The following PTPRD variants were observed in gnomAD, a reference collection of about 807,000 sequenced individuals.
PTPRD encodes protein tyrosine phosphatase receptor type D, also known as receptor-type tyrosine-protein phosphatase delta.
Under a neutral mutation model 214.5 loss-of-function variants are expected in PTPRD, and 34 were observed. That is an observed-to-expected ratio of 0.16 (90% CI 0.12 to 0.21). The LOEUF (loss-of-function observed/expected upper bound fraction) is 0.21, where lower values mean the gene tolerates loss of function less well. Ranked by LOEUF, PTPRD falls within the 10% of genes least tolerant of loss-of-function variation. The pLI is 1.00. For synonymous variants in PTPRD, 1,128 were observed against 845.7 expected (o/e 1.33, Z -5.79); for missense variants, 2,545 against 2,398.7 (o/e 1.06, Z -1.27).
At chr9:9,423,723 G>T (rs372633243) in intron 8 of PTPRD, among the ~76,000 whole-genome samples, 5 of 152,070 alleles carry the variant, frequency 3.3e-5, no homozygotes, top group Non-Finnish European at 7.4e-5. Flanking sequence ...GCAAAAAACT[G>T]CAGTAACTAT....
At chr9:10,296,910 T>C (rs894232323) in intron 3 of PTPRD, among the ~76,000 whole-genome samples, 3 of 151,912 alleles carry the variant, frequency 2.0e-5, no homozygotes, top group Non-Finnish European at 2.9e-5. Flanking sequence ...ACTAGATTTA[T>C]TGATTTTATT....
At chr9:9,689,002 A>G (rs1281802819) in intron 7 of PTPRD, among the ~76,000 whole-genome samples, 2 of 152,072 alleles carry the variant, frequency 1.3e-5, no homozygotes, top group East Asian at 3.9e-4. Flanking sequence ...TACAAAAACA[A>G]CAAAATTGCA....
intron 3 of PTPRD, among the ~76,000 whole-genome samples, chr9:10,042,356 A>G (rs569622721): frequency 3.6e-4 from 55 of 152,082 alleles, no homozygotes; most frequent in Non-Finnish European, 5.9e-5. Flanking sequence ...AATCTATTAA[A>G]TGCAATCTAT....
intron 11 of PTPRD, among the ~76,000 whole-genome samples, chr9:8,957,313 A>G (rs532163642): frequency 2.7e-4 from 41 of 151,840 alleles, no homozygotes; most frequent in Non-Finnish European, 4.6e-4. Context: ...GCCCTCTGTA[A>G]TCTGGCTTAG....
intron 3 of PTPRD, among the ~76,000 whole-genome samples, chr9:10,048,970 AG>A (rs1370189595): frequency 1.3e-5 from 2 of 152,110 alleles, no homozygotes; most frequent in African/African-American, 4.8e-5. Flanking sequence ...GTGATTAGGG[AG>A]GAGCCCTGAC....
At chr9:10,082,906 T>C (rs1410644764) in intron 3 of PTPRD, among the ~76,000 whole-genome samples, 3 of 151,728 alleles carry the variant, frequency 2.0e-5, no homozygotes, top group African/African-American at 7.3e-5. Context: ...AACTCCATTA[T>C]TTGTTTACAT....
chr9:10,546,087 C>T (rs886928909), intron 2 of PTPRD, among the ~76,000 whole-genome samples: 5 of 152,028 alleles, frequency 3.3e-5, no homozygotes, highest in African/African-American at 1.2e-4. Flanking sequence ...TTTATCCTAC[C>T]AGTAATTATA....
intron 8 of PTPRD, among the ~76,000 whole-genome samples, chr9:9,563,467 G>T (rs1186738866): frequency 2.6e-5 from 4 of 151,958 alleles, no homozygotes; most frequent in Non-Finnish European, 4.4e-5. Flanking sequence ...ATTTTATTCT[G>T]CATGGACAAG....
chr9:9,229,375 G>C (rs1291011434), intron 9 of PTPRD, among the ~76,000 whole-genome samples: 3 of 152,062 alleles, frequency 2.0e-5, no homozygotes, highest in Non-Finnish European at 4.4e-5. Context: ...AAGACCATGT[G>C]AGCTGTGGCC....
intron 2 of PTPRD, among the ~76,000 whole-genome samples, chr9:10,564,912 C>G (rs936855402): frequency 6.6e-5 from 10 of 152,018 alleles, no homozygotes; most frequent in Non-Finnish European, 8.8e-5. Flanking sequence ...ACCTGTCTAA[C>G]TTCATCTTCT....
chr9:9,396,352 A>T (rs2067816246), intron 9 of PTPRD, among the ~76,000 whole-genome samples: 1 of 152,090 alleles, frequency 6.6e-6, no homozygotes, highest in African/African-American at 2.4e-5. Context: ...AATGCATATT[A>T]TTGGGCCTTA....
intron 18 of PTPRD, among the ~76,000 whole-genome samples, chr9:8,523,794 T>A (rs1049234581): frequency 3.9e-5 from 6 of 152,122 alleles, no homozygotes; most frequent in Non-Finnish European, 8.8e-5. Flanking sequence ...GAGGTCACTA[T>A]TGTGGAAAAA....
At chr9:10,372,909 G>A (rs1283290394) in intron 2 of PTPRD, among the ~76,000 whole-genome samples, 1 of 150,606 alleles carries the variant, frequency 6.6e-6, no homozygotes, top group Non-Finnish European at 1.5e-5. Flanking sequence ...GAGTGCAGTG[G>A]TGCGATCTTG....
intron 2 of PTPRD, among the ~76,000 whole-genome samples, chr9:10,456,059 G>C (rs1346370560): frequency 1.3e-5 from 2 of 151,788 alleles, no homozygotes; most frequent in African/African-American, 2.4e-5. Context: ...GTAGAAAGAA[G>C]TCTTGTAGTC....
intron 12 of PTPRD, among the ~76,000 whole-genome samples, chr9:8,638,089 T>C (rs918728868): frequency 6.6e-6 from 1 of 151,144 alleles, no homozygotes; most frequent in South Asian, 2.1e-4. Flanking sequence ...CCCCAAAACA[T>C]TTTGCTGTTC....
chr9:10,334,586 CAA>C (rs1451942971), intron 3 of PTPRD, among the ~76,000 whole-genome samples: 1 of 151,518 alleles, frequency 6.6e-6, no homozygotes, highest in Admixed American at 6.6e-5. Context: ...AAAAGGAAAT[CAA>C]TTTACTTTGT....
intron 10 of PTPRD, among the ~76,000 whole-genome samples, chr9:9,110,308 C>T (rs1311563906): frequency 1.3e-5 from 2 of 152,072 alleles, no homozygotes; most frequent in Non-Finnish European, 2.9e-5. Context: ...AGACCAGCAA[C>T]TTCAACATCA....
chr9:8,502,639 C>T (rs540492556), intron 23 of PTPRD, among the ~76,000 whole-genome samples: 2 of 152,070 alleles, frequency 1.3e-5, no homozygotes, highest in African/African-American at 4.8e-5. Context: ...TATCATTATT[C>T]ATAATAAATT....
At chr9:10,548,286 T>C (rs2060574733) in intron 2 of PTPRD, among the ~76,000 whole-genome samples, 1 of 152,170 alleles carries the variant, frequency 6.6e-6, no homozygotes, top group South Asian at 2.1e-4. Flanking sequence ...TATAAGTTGT[T>C]GCTTTTTCTC....
Sources: gnomAD v4.1 joint callset for allele counts (sites outside exome capture counted in the v4.1 genomes callset) on GRCh38, gnomAD v4.1.1 for gene constraint, MANE v1.5 for transcripts, NCBI Gene and HGNC (gene_info 2026-07-23, HGNC 2026-07-21) for gene names.